The following ISY1 variants were observed in gnomAD, a reference collection of about 807,000 sequenced individuals.
ISY1 encodes the protein ISY1 spliceosome associated protein, also known as pre-mRNA-splicing factor ISY1 homolog.
A neutral mutation model predicts 54.4 loss-of-function variants in ISY1; 12 were observed. The ratio of observed to expected loss-of-function variants is 0.22; its 90% CI spans 0.14 to 0.36. The LOEUF is 0.36. ISY1 is among the 10% of genes least tolerant of loss of function. ISY1 has a pLI of 1.00. For synonymous variants in ISY1, 96 were observed against 117.9 expected, an observed-to-expected ratio of 0.81 and a Z score of 1.20; for missense variants, 282 against 342.2, an observed-to-expected ratio of 0.82 and a Z score of 1.39.
chr3:129,156,012 C>T (rs192737057), intron 5 of ISY1, among the ~76,000 whole-genome samples: 35 of 152,214 alleles, frequency 2.3e-4, no homozygotes, highest in Admixed American at 1.4e-3. Flanking sequence ...TGAGCTACTG[C>T]GCCCGGCCTC....
intron 6 of ISY1, among the ~76,000 whole-genome samples, chr3:129,144,397 G>A (rs898846354): frequency 1.3e-5 from 2 of 152,190 alleles, no homozygotes; most frequent in African/African-American, 4.8e-5. Context: ...ATGTACTAGG[G>A]TAAGAATTAT....
intron 9 of ISY1, among the ~76,000 whole-genome samples, chr3:129,133,495 A>G (rs1576869602): frequency 6.6e-6 from 1 of 152,168 alleles, no homozygotes; most frequent in African/African-American, 2.4e-5. Flanking sequence ...GGAGTTCGAG[A>G]CCAGCCTGGC....
chr3:129,152,264 C>T (rs1202032996), intron 5 of ISY1, among the ~76,000 whole-genome samples: 3 of 152,134 alleles, frequency 2.0e-5, no homozygotes, highest in Non-Finnish European at 2.9e-5. Context: ...AATACTTTTT[C>T]TGCATCTACT....
intron 3 of ISY1, among the ~76,000 whole-genome samples, chr3:129,157,867 G>C (rs1159207626): frequency 3.3e-5 from 5 of 152,056 alleles, no homozygotes; most frequent in Non-Finnish European, 7.4e-5. Flanking sequence ...AGCAGGTACA[G>C]ATAAGAAATA....
At chr3:129,160,657 G>C (rs993643289) in intron 1 of ISY1, among the ~76,000 whole-genome samples, 3 of 152,064 alleles carry the variant, frequency 2.0e-5, no homozygotes, top group Non-Finnish European at 2.9e-5. Flanking sequence ...GGGACAAACA[G>C]CCGGCCCACA....
chr3:129,141,198 TAAA>T (rs1242747869), intron 6 of ISY1, among the ~76,000 whole-genome samples: 13 of 21,554 alleles, frequency 6.0e-4, no homozygotes, highest in Admixed American at 4.6e-3. Context: ...GTAAATTAAA[TAAA>T]TAAATAAATA....
In ISY1 at chr3:129,140,537, T is replaced by TA. The variant is rs774066393; in HGVS notation, c.301-53dup. 31 of 1,518,388 alleles carry TA rather than the reference T, an allele frequency of 2.0e-5. No individual in the cohort carries two copies. In the African/African-American group the frequency reaches 3.9e-4, roughly 19 times the overall value. 94.1% of individuals were successfully genotyped at this position (1,518,388 alleles called of 1,614,324 possible). ...TGGATCTGTTAGTTAGTTAGTTAGT[T>TA]ATTATTTATTTATTTATTTGAGGCG... On this transcript the variant is annotated intron_variant, in intron 6 of 10. Coordinates refer to ENST00000393295, the MANE Select transcript of ISY1 (RefSeq NM_020701.4).
intron 7 of ISY1, among the ~76,000 whole-genome samples, chr3:129,137,755 A>G (rs541396400): frequency 3.9e-4 from 59 of 151,332 alleles, no homozygotes; most frequent in African/African-American, 1.3e-3. Flanking sequence ...CTAAAAAAAT[A>G]CAAAAACTTT....
In ISY1 at chr3:129,130,049, G is replaced by A; in HGVS notation, c.*32C>T. The A allele has an allele frequency of 6.6e-7, 1 of 1,520,720 alleles. No individual in the cohort carries two copies. The highest frequency in any genetic ancestry group is 8.8e-7 in the Non-Finnish European group (1 of 1,132,440). 94.2% of individuals were successfully genotyped at this position (1,520,720 alleles called of 1,614,324 possible). The stretch of plus-strand genomic sequence containing the variant: ...GGGTCCTGAGGTACCACTGGGGGAT[G>A]GAAGAACTCCAAGGAGAGCCCCAGC... On this transcript the variant is annotated 3_prime_UTR_variant, in exon 11 of 11. Transcript: ENST00000393295.
intron 7 of ISY1, among the ~76,000 whole-genome samples, chr3:129,139,269 T>C (rs1936534046): frequency 6.6e-6 from 1 of 152,160 alleles, no homozygotes; most frequent in Non-Finnish European, 1.5e-5. Context: ...TATTCCTTCA[T>C]AATTAATGGC....
At chr3:129,151,018 G>C (rs564524538) in intron 5 of ISY1, among the ~76,000 whole-genome samples, 1 of 151,190 alleles carries the variant, frequency 6.6e-6, no homozygotes, top group Admixed American at 6.6e-5. Context: ...CCAGCTACTC[G>C]AGAGGCTGAG....
intron 5 of ISY1, among the ~76,000 whole-genome samples, chr3:129,146,751 T>A (rs1473529582): frequency 6.6e-6 from 1 of 152,146 alleles, no homozygotes; most frequent in Non-Finnish European, 1.5e-5. Flanking sequence ...GCCTGGATAG[T>A]CTATTTTTTT....
chr3:129,130,238 C>G (rs1936198898), intron 10 of ISY1, 50 bp from the exon 11 acceptor site: 2 of 1,531,572 alleles, frequency 1.3e-6, no homozygotes, highest in Non-Finnish European at 8.7e-7. Flanking sequence ...GCCCCTCAAC[C>G]CCTGCCAGAC....
intron 5 of ISY1, among the ~76,000 whole-genome samples, chr3:129,149,788 C>CAAAAAAA (rs369302599): frequency 6.0e-5 from 5 of 83,572 alleles, no homozygotes; most frequent in East Asian, 3.4e-4. Context: ...GACTCCAACT[C>CAAAAAAA]AAAAAAAAAA....
chr3:129,155,892 T>C (rs955271101), intron 5 of ISY1, among the ~76,000 whole-genome samples: 1 of 152,074 alleles, frequency 6.6e-6, no homozygotes, highest in African/African-American at 2.4e-5. Context: ...CAGCCAATTT[T>C]GTATTTTCAG....
intron 5 of ISY1, among the ~76,000 whole-genome samples, chr3:129,146,337 T>C (rs1049310795): frequency 6.6e-6 from 1 of 152,158 alleles, no homozygotes; most frequent in African/African-American, 2.4e-5. Context: ...GCAAGGACTA[T>C]AGGGCTAAGA....
At chr3:129,156,954 C>T (rs753848015) in intron 3 of ISY1, 34 bp from the exon 4 acceptor site, 1 of 1,610,002 alleles carries the variant, frequency 6.2e-7, no homozygotes, top group South Asian at 1.1e-5. Context: ...TTCCATTATA[C>T]TATTTACAAG....
At chr3:129,134,414 C>T (rs1936331252) in intron 8 of ISY1, among the ~76,000 whole-genome samples, 1 of 152,190 alleles carries the variant, frequency 6.6e-6, no homozygotes, top group Admixed American at 6.6e-5. Flanking sequence ...AGGGAACATT[C>T]CCAAATCCTC....
chr3:129,152,598 G>A (rs1408148413), intron 5 of ISY1, among the ~76,000 whole-genome samples: 1 of 151,758 alleles, frequency 6.6e-6, no homozygotes, highest in Admixed American at 6.6e-5. Context: ...TAGAGACGGG[G>A]TTTCACCGTG....
Sources: gnomAD v4.1 joint callset for allele counts (sites outside exome capture counted in the v4.1 genomes callset) on GRCh38, gnomAD v4.1.1 for gene constraint, MANE v1.5 for transcripts, NCBI Gene and HGNC (gene_info 2026-07-23, HGNC 2026-07-21) for gene names.